Variants in NEK11 observed in about 807,000 individuals in gnomAD.
NEK11 encodes the protein NIMA related kinase 11.
Under a neutral mutation model 80.7 loss-of-function variants are expected in NEK11, and 72 were observed. The observed-to-expected ratio is 0.89, with a 90% CI of 0.74 to 1.08. The LOEUF is 1.08. Ranked by LOEUF, NEK11 falls within the 50% of genes least tolerant of loss-of-function variation. The probability of loss-of-function intolerance (pLI) is 0.00; values close to 1 mark genes in which losing one functional copy is unlikely to be tolerated. For missense variants in NEK11, 764 were observed against 763.6 expected (o/e 1.00, Z -0.01); for synonymous variants, 251 against 260.7 (o/e 0.96, Z 0.36).
intron 17 of NEK11, among the ~76,000 whole-genome samples, chr3:131,344,487 T>C (rs1405314096): frequency 6.6e-6 from 1 of 152,244 alleles, no homozygotes; most frequent in African/African-American, 2.4e-5. Context: ...TTTCTGCCCA[T>C]TACCCAGGTT....
At chr3:131,318,567 T>C (rs1474020218) in intron 17 of NEK11, among the ~76,000 whole-genome samples, 1 of 151,998 alleles carries the variant, frequency 6.6e-6, no homozygotes, top group Non-Finnish European at 1.5e-5. Flanking sequence ...AGTCAACATA[T>C]ATCTCTGCAA....
chr3:131,239,653 C>T (rs1366577461), intron 15 of NEK11, among the ~76,000 whole-genome samples: 1 of 152,122 alleles, frequency 6.6e-6, no homozygotes, highest in East Asian at 1.9e-4. Flanking sequence ...AGACAGATGG[C>T]TGAGTTTTCA....
intron 10 of NEK11, among the ~76,000 whole-genome samples, chr3:131,157,130 T>G (rs1436075720): frequency 6.6e-6 from 1 of 152,066 alleles, no homozygotes; most frequent in Non-Finnish European, 1.5e-5. Context: ...AACAAAATAT[T>G]AAAAGTTTAA....
intron 17 of NEK11, among the ~76,000 whole-genome samples, chr3:131,306,648 C>T (rs1447330567): frequency 6.6e-6 from 1 of 152,200 alleles, no homozygotes; most frequent in Non-Finnish European, 1.5e-5. Context: ...CTAACTTCTC[C>T]TAAGAGCAAG....
intron 16 of NEK11, among the ~76,000 whole-genome samples, chr3:131,250,223 A>G (rs1394386496): frequency 6.6e-6 from 1 of 152,010 alleles, no homozygotes; most frequent in Non-Finnish European, 1.5e-5. Flanking sequence ...TACGTGATTC[A>G]GCACCTAACA....
At chr3:131,231,364 C>T (rs1307836409) in intron 15 of NEK11, among the ~76,000 whole-genome samples, 3 of 149,734 alleles carry the variant, frequency 2.0e-5, no homozygotes, top group Non-Finnish European at 3.0e-5. Context: ...TGCCTCAGGC[C>T]CACATCAGTC....
At chr3:131,301,807 A>G (rs1224623664) in intron 17 of NEK11, among the ~76,000 whole-genome samples, 3 of 151,718 alleles carry the variant, frequency 2.0e-5, no homozygotes, top group African/African-American at 4.8e-5. Context: ...TTTTGCATCT[A>G]TGTTCATCAG....
intron 4 of NEK11, chr3:131,087,907 GT>G (rs2076221245): frequency 6.6e-6 from 1 of 152,220 alleles, no homozygotes; most frequent in Non-Finnish European, 1.5e-5. Flanking sequence ...CCCAGAATTG[GT>G]TATTTATAGA....
intron 17 of NEK11, among the ~76,000 whole-genome samples, chr3:131,293,112 C>G (rs1250617898): frequency 6.6e-6 from 1 of 152,066 alleles, no homozygotes; most frequent in Non-Finnish European, 1.5e-5. Context: ...GCTAGAACTT[C>G]CAGTACAATG....
chr3:131,271,650 C>T (rs1455202956), intron 16 of NEK11, among the ~76,000 whole-genome samples: 1 of 151,934 alleles, frequency 6.6e-6, no homozygotes, highest in Admixed American at 6.5e-5. Context: ...AAAAAATTAG[C>T]TGGGCTTGGT....
intron 16 of NEK11, among the ~76,000 whole-genome samples, chr3:131,265,111 T>G (rs904062577): frequency 3.3e-5 from 5 of 152,210 alleles, no homozygotes; most frequent in Non-Finnish European, 7.3e-5. Flanking sequence ...AAGTAGTTTT[T>G]GGGCTGAGAC....
intron 4 of NEK11, among the ~76,000 whole-genome samples, chr3:131,103,045 T>C (rs2078639006): frequency 6.6e-6 from 1 of 152,192 alleles, no homozygotes; most frequent in South Asian, 2.1e-4. Flanking sequence ...AAATGGCTAT[T>C]TCATCTTTCA....
At chr3:131,099,541 T>A (rs550911573) in intron 4 of NEK11, among the ~76,000 whole-genome samples, 1 of 152,342 alleles carries the variant, frequency 6.6e-6, no homozygotes, top group South Asian at 2.1e-4. Flanking sequence ...GTGTTGAATC[T>A]GTAGATTGCT....
At chr3:131,252,480 A>T (rs10451898) in intron 16 of NEK11, among the ~76,000 whole-genome samples, 3,267 of 152,150 alleles carry the variant, frequency 0.021, 100 homozygotes, top group African/African-American at 0.073. Flanking sequence ...ACCCCAATTT[A>T]GTTTGAATTC....
chr3:131,119,922 C>T (rs1264561674), intron 5 of NEK11, among the ~76,000 whole-genome samples: 1 of 152,172 alleles, frequency 6.6e-6, no homozygotes, highest in Non-Finnish European at 1.5e-5. Flanking sequence ...TGGGTCTTGA[C>T]TCTTTATCCA....
intron 14 of NEK11, among the ~76,000 whole-genome samples, chr3:131,227,982 T>C (rs1379957532): frequency 6.6e-6 from 1 of 152,098 alleles, no homozygotes; most frequent in African/African-American, 2.4e-5. Flanking sequence ...TCAAAAGCCA[T>C]CATTACCTGT....
chr3:131,080,065 G>GTGTGTGTGTA (rs1289695856), intron 3 of NEK11, among the ~76,000 whole-genome samples: 1 of 149,662 alleles, frequency 6.7e-6, no homozygotes, highest in African/African-American at 2.5e-5. Context: ...GTGTGTGTGT[G>GTGTGTGTGTA]TATGAACACA....
intron 16 of NEK11, among the ~76,000 whole-genome samples, chr3:131,265,495 C>T (rs1581117860): frequency 6.6e-6 from 1 of 152,226 alleles, no homozygotes; most frequent in East Asian, 1.9e-4. Flanking sequence ...GTCATTTGTT[C>T]TGTTTAAGTA....
intron 17 of NEK11, among the ~76,000 whole-genome samples, chr3:131,337,480 G>A (rs2097205463): frequency 6.6e-6 from 1 of 151,730 alleles, no homozygotes; most frequent in Admixed American, 6.6e-5. Context: ...TGGGGGGAGT[G>A]GGGAGGGATA....
Sources: allele counts gnomAD v4.1 joint callset (sites outside exome capture counted in the v4.1 genomes callset), GRCh38; gene constraint gnomAD v4.1.1; transcripts MANE v1.5; gene names NCBI Gene and HGNC (gene_info 2026-07-23, HGNC 2026-07-21).